ZXDC: variants seen among roughly 807,000 people sequenced by gnomAD.
The protein encoded by ZXDC is ZXD family zinc finger C, also known as zinc finger protein ZXDC.
Under a neutral mutation model 63.6 loss-of-function variants are expected in ZXDC, and 58 were observed. That is an observed-to-expected ratio of 0.91 (90% CI 0.74 to 1.13). The LOEUF is 1.13. ZXDC is among the 50% of genes most tolerant of loss of function. ZXDC has a pLI of 0.00. For missense variants in ZXDC, 1,133 were observed against 1,148.9 expected (o/e 0.99, Z 0.20); for synonymous variants, 561 against 496.1 (o/e 1.13, Z -1.74).
At chr3:126,438,682 G>T (rs577590879) in intron 9 of ZXDC, among the ~76,000 whole-genome samples, 2 of 152,184 alleles carry the variant, frequency 1.3e-5, no homozygotes, top group African/African-American at 4.8e-5. Flanking sequence ...GCACATTGAC[G>T]TATACCCTCA....
chr3:126,442,823 A>G (rs962938283), intron 7 of ZXDC: 2 of 152,018 alleles, frequency 1.3e-5, no homozygotes, highest in African/African-American at 2.4e-5. Flanking sequence ...CAACTGTACA[A>G]TGACTATCAT....
At position 126,470,879 on chromosome 3, in the gene ZXDC, A is replaced by G. The variant is rs745695648; in HGVS notation, c.1270+16T>C. The G allele has an allele frequency of 1.2e-6, 2 of 1,613,644 alleles. No individual in the cohort carries two copies. Among genetic ancestry groups the G allele is most frequent in the South Asian group, 1.1e-5 (1 of 91,042 alleles). On this transcript the variant is annotated intron_variant, in intron 4 of 9. Coordinates refer to ENST00000389709, the MANE Select transcript of ZXDC (RefSeq NM_025112.5). ...TGCACTTAGTTTACTGCTCAAAGCA[A>G]TGTTTTAAAATCTACCTTCCACAGG...
chr3:126,439,764 G>C (rs1408195556), intron 8 of ZXDC, 37 bp from the exon 9 acceptor site: 2 of 1,540,904 alleles, frequency 1.3e-6, no homozygotes, highest in Middle Eastern at 1.7e-4. Flanking sequence ...TCACATGTCT[G>C]TGAGAGTGCA....
chr3:126,461,954 C>G lies in ZXDC; in HGVS notation c.1708G>C (p.Ala570Pro). Reference protein sequence around the residue: ...LGPMEPLVLVAHSDIPPSLDS... With the variant: ...LGPMEPLVLVPHSDIPPSLDS... ...AGGCTTGGGGGAATATCACTGTGGG[C>G]CACCAGGACCAGGGGTTCCATCGGC... The change falls in exon 6 of 10, where the codon GCC becomes CCC. Residue 570 changes from alanine to proline, a missense_variant. Physicochemically the swap from Ala to Pro is conservative, Grantham distance 27 (BLOSUM62 -1). Transcript: ENST00000389709. The G allele has an allele frequency of 6.2e-7, 1 of 1,614,028 alleles. No homozygotes were observed. Among genetic ancestry groups the G allele is most frequent in the South Asian group, 1.1e-5 (1 of 91,058 alleles).
chr3:126,449,899 A>G (rs186245071), intron 7 of ZXDC, among the ~76,000 whole-genome samples: 5 of 152,280 alleles, frequency 3.3e-5, no homozygotes, highest in Admixed American at 1.3e-4. Flanking sequence ...GTTAACACAA[A>G]CCAAAGTGAC....
intron 7 of ZXDC, among the ~76,000 whole-genome samples, chr3:126,444,391 TG>T (rs1933801111): frequency 6.6e-6 from 1 of 151,702 alleles, no homozygotes; most frequent in Non-Finnish European, 1.5e-5. Context: ...AATTAGCCAG[TG>T]GTGGTGGCGG....
At position 126,461,613 on chromosome 3, in the gene ZXDC, C is replaced by A. The variant is rs549118167; in HGVS notation, c.2049G>T (p.Gln683His). ...GCTCTGCTGGACTGGGCAACGTGGA[C>A]TGGGGCAGCCCATGGCTTCCTTCCT... ...GQQEGSHGLPQSTLPSPAEQH... is the reference protein window; with the variant it reads ...GQQEGSHGLPHSTLPSPAEQH... Residue 683 changes from glutamine to histidine, a missense_variant, in exon 6 of 10, where the codon CAG becomes CAT. By Grantham distance (24) the Gln-to-His change is conservative. Transcript: ENST00000389709. The A allele has an allele frequency of 6.2e-7, 1 of 1,614,108 alleles. No homozygotes were observed. The highest frequency in any genetic ancestry group is 1.1e-5 in the South Asian group (1 of 91,082).
rs1364876725 is a variant in ZXDC at position 126,439,642 on chromosome 3, T to C, written c.2480A>G (p.Tyr827Cys). 18 of 1,553,294 alleles carry C rather than the reference T, an allele frequency of 1.2e-5. No individual in the cohort carries two copies. Among genetic ancestry groups the C allele is most frequent in the African/African-American group, 9.6e-5 (7 of 73,198 alleles). The change falls in exon 9 of 10, where the codon TAC becomes TGC. Residue 827 changes from tyrosine to cysteine, a missense_variant. Physicochemically the swap from Tyr to Cys is radical, Grantham distance 194. Coordinates refer to ENST00000389709, the MANE Select transcript of ZXDC (RefSeq NM_025112.5). The part of the protein sequence containing the change: ...LPFLTVDLPV[Y>C]VLQEVLPSSG... The stretch of plus-strand genomic sequence containing the variant: ...GTAAGGCATCCAGACCTGGAGGACG[T>C]AGACGGGCAGGTCCACAGTGAGGAA...
intron 8 of ZXDC, chr3:126,441,531 C>T: frequency 7.8e-7 from 1 of 1,287,054 alleles, no homozygotes; most frequent in Non-Finnish European, 9.8e-7. Flanking sequence ...GAAGTGGATG[C>T]ACGGTCCCAG....
intron 7 of ZXDC, chr3:126,459,357 G>T: frequency 1.0e-6 from 1 of 985,380 alleles, no homozygotes. Context: ...CCTGACAACT[G>T]GCCTGCTTTG....
intron 7 of ZXDC, 33 bp from the exon 8 acceptor site, chr3:126,441,979 T>C: frequency 2.6e-6 from 4 of 1,556,526 alleles, no homozygotes; most frequent in Non-Finnish European, 3.5e-6. Flanking sequence ...GCACACCCAA[T>C]CTACAATCTA....
intron 7 of ZXDC, among the ~76,000 whole-genome samples, chr3:126,448,010 T>C (rs1241227163): frequency 1.3e-5 from 2 of 152,196 alleles, no homozygotes; most frequent in Admixed American, 6.5e-5. Context: ...CTACCAGCTA[T>C]GCAGCCCTGG....
At position 126,470,937 on chromosome 3, in the gene ZXDC, T is replaced by C. The variant is rs374776042; in HGVS notation, c.1228A>G (p.Ile410Val). 16 of 1,614,116 alleles carry C rather than the reference T, an allele frequency of 9.9e-6. No homozygotes were observed. The African/African-American group carries it at 1.6e-4, about 16-fold the overall frequency. The change falls in exon 4 of 10, where the codon ATA (isoleucine) becomes GTA (valine). Residue 410 changes from isoleucine (I) to valine (V), a missense_variant. Physicochemically the swap from Ile to Val is conservative, Grantham distance 29 (BLOSUM62 3). Transcript: ENST00000389709. ...TRAEHLKGHS[I>V]THLGTKPFEC... ...AACGGCTTTGTGCCTAGGTGGGTTATGCTGTGGCCTTTCAGATGCTCTGCT... is the reference window on the plus strand; with the variant it reads ...AACGGCTTTGTGCCTAGGTGGGTTACGCTGTGGCCTTTCAGATGCTCTGCT...
chr3:126,463,235 AT>A (rs1212866922), intron 5 of ZXDC, among the ~76,000 whole-genome samples: 2 of 151,894 alleles, frequency 1.3e-5, no homozygotes, highest in African/African-American at 4.8e-5. Context: ...TGCCCGGCTA[AT>A]TTTTTTGTGT....
chr3:126,474,062 C>CTTTTTT, intron 1 of ZXDC, among the ~76,000 whole-genome samples: 1 of 129,912 alleles, frequency 7.7e-6, no homozygotes, highest in Non-Finnish European at 1.6e-5. Flanking sequence ...AGGCAGTGGA[C>CTTTTTT]TTTTTTTTTT....
At chr3:126,471,760 T>G (rs959746113) in intron 3 of ZXDC, among the ~76,000 whole-genome samples, 1 of 152,032 alleles carries the variant, frequency 6.6e-6, no homozygotes, top group Non-Finnish European at 1.5e-5. Context: ...TTAGCTTTTT[T>G]TAAAAAAAGT....
At chr3:126,439,959 G>A in intron 8 of ZXDC, 6 of 1,392,516 alleles carry the variant, frequency 4.3e-6, no homozygotes, top group Middle Eastern at 2.7e-4. Flanking sequence ...TGCTGGGCCT[G>A]GAACCTTCTG....
chr3:126,450,805 C>G (rs1267643743), intron 7 of ZXDC, among the ~76,000 whole-genome samples: 1 of 152,228 alleles, frequency 6.6e-6, no homozygotes, highest in Non-Finnish European at 1.5e-5. Context: ...ACCTGATCAC[C>G]CATTGGAACA....
chr3:126,465,466 C>T (rs1261790999), intron 5 of ZXDC, among the ~76,000 whole-genome samples: 1 of 152,230 alleles, frequency 6.6e-6, no homozygotes, highest in Non-Finnish European at 1.5e-5. Flanking sequence ...CTCGTTACTC[C>T]CAGTCCACTC....
Sources: allele counts gnomAD v4.1 joint callset (sites outside exome capture counted in the v4.1 genomes callset), GRCh38; gene constraint gnomAD v4.1.1; transcripts MANE v1.5; gene names NCBI Gene and HGNC (gene_info 2026-07-23, HGNC 2026-07-21).